ALG12: variants seen among roughly 807,000 people sequenced by gnomAD.
ALG12 encodes ALG12 alpha-1,6-mannosyltransferase.
Under a neutral mutation model 46.0 loss-of-function variants are expected in ALG12, and 36 were observed. The observed-to-expected ratio is 0.78, with a 90% confidence interval of 0.60 to 1.03. ALG12 has a LOEUF of 1.03. ALG12 is among the 50% of genes least tolerant of loss of function. The pLI is 0.00. For synonymous variants in ALG12, 326 were observed against 291.6 expected, an observed-to-expected ratio of 1.12 and a Z score of -1.20; for missense variants, 599 against 633.5, an observed-to-expected ratio of 0.95 and a Z score of 0.58.
At chr22:49,881,288 G>A in the ALG12 span, among the ~76,000 whole-genome samples, 2 of 152,284 alleles carry the variant, frequency 1.3e-5, no homozygotes, top group Admixed American at 1.3e-4. Context: ...AGCGGAGGTT[G>A]CGGTGAACTG....
In ALG12 at chr22:49,902,417, CTGTG is replaced by C. The variant is rs747329118; in HGVS notation, c.*1417_*1420del. 1.7e-5 allele frequency: 2 copies of C among 117,764 alleles called. No individual in the cohort carries two copies. Among genetic ancestry groups the C allele is most frequent in the Non-Finnish European group, 3.4e-5 (2 of 59,208 alleles). The allele number at this position is 117,764 out of a possible 1,614,324, so 7.3% of individuals were successfully genotyped here. On this transcript the variant is annotated 3_prime_UTR_variant, in exon 10 of 10. Transcript: ENST00000330817. ...TATGCATGGTGTGTGCACATGTGCA[CTGTG>C]TATGCATGGTGTGTGCACGTGTGCA...
chr22:49,885,537 G>A, the ALG12 span: 37 of 1,607,190 alleles, frequency 2.3e-5, no homozygotes, highest in Middle Eastern at 1.6e-4. Flanking sequence ...CCTCCTCTCC[G>A]GACACCCGGG....
At chr22:49,884,843 C>G in the ALG12 span, 1 of 1,610,554 alleles carries the variant, frequency 6.2e-7, no homozygotes, top group Admixed American at 1.7e-5. Context: ...GACAGGCTGA[C>G]TGAGGACTTG....
chr22:49,861,734 G>A, the ALG12 span, among the ~76,000 whole-genome samples: 2 of 152,216 alleles, frequency 1.3e-5, no homozygotes, highest in Non-Finnish European at 2.9e-5. Flanking sequence ...GCCGTGGCTG[G>A]CCCCTGCGTG....
At chr22:49,865,365 G>A in the ALG12 span, among the ~76,000 whole-genome samples, 4 of 152,148 alleles carry the variant, frequency 2.6e-5, no homozygotes, top group East Asian at 1.9e-4. Context: ...ATGCTTACAC[G>A]GGGGCCGGGC....
At chr22:49,886,540 A>T in the ALG12 span, 1 of 1,568,146 alleles carries the variant, frequency 6.4e-7, no homozygotes. This position sits in a 1 kb window ranked among gnomAD's most constrained non-coding sequence, Gnocchi z 7.7. Flanking sequence ...GGTCATCCCC[A>T]TGGTACACAT....
At chr22:49,860,221 C>T in the ALG12 span, among the ~76,000 whole-genome samples, 4 of 152,220 alleles carry the variant, frequency 2.6e-5, no homozygotes, top group African/African-American at 9.6e-5. Context: ...ATCACTTGAG[C>T]CTGGGAGGTT....
At chr22:49,913,279 G>C in intron 3 of ALG12, 106 bp downstream of exon 3, 1 of 1,552,452 alleles carries the variant, frequency 6.4e-7, no homozygotes, top group Non-Finnish European at 8.8e-7. Flanking sequence ...GGGCAGGCAA[G>C]ACTAACAGAC....
At chr22:49,873,603 C>T in the ALG12 span, among the ~76,000 whole-genome samples, 1 of 151,904 alleles carries the variant, frequency 6.6e-6, no homozygotes, top group South Asian at 2.1e-4. Context: ...CACCGATGGA[C>T]GTGCTTGATG....
downstream of ALG12, among the ~76,000 whole-genome samples, chr22:49,895,629 A>G (rs1486109197): frequency 2.0e-5 from 3 of 151,290 alleles, no homozygotes; most frequent in Non-Finnish European, 4.4e-5. Context: ...TCCAGCCTGG[A>G]CAACAGAGCG....
the ALG12 span, among the ~76,000 whole-genome samples, chr22:49,869,622 G>T: frequency 1.3e-5 from 2 of 152,072 alleles, no homozygotes; most frequent in Non-Finnish European, 2.9e-5. Context: ...CTCTTAAAAA[G>T]TCAGCAGTGT....
intron 7 of ALG12, among the ~76,000 whole-genome samples, chr22:49,904,748 A>T (rs1437516762): frequency 6.6e-6 from 1 of 152,076 alleles, no homozygotes; most frequent in Admixed American, 6.6e-5. Context: ...TAAAATATAT[A>T]TATATTTTTG....
the ALG12 span, among the ~76,000 whole-genome samples, chr22:49,867,799 T>C: frequency 1.3e-5 from 2 of 152,350 alleles, no homozygotes; most frequent in South Asian, 2.1e-4. Context: ...ATTAAAAATA[T>C]CTTCAGTGGA....
At chr22:49,891,008 C>A in the ALG12 span, among the ~76,000 whole-genome samples, 1 of 149,392 alleles carries the variant, frequency 6.7e-6, no homozygotes, top group African/African-American at 2.5e-5. Context: ...CCAGCCTGGG[C>A]GACAGAGCGA....
chr22:49,870,835 C>T, the ALG12 span, among the ~76,000 whole-genome samples: 1 of 151,936 alleles, frequency 6.6e-6, no homozygotes, highest in Admixed American at 6.6e-5. Context: ...TAGTTAGGTC[C>T]CAGTTGTCAA....
rs752863812 is a variant in ALG12 at position 49,903,594 on chromosome 22, A to C, written c.*244T>G. 88 of 676,038 alleles carry C rather than the reference A, an allele frequency of 1.3e-4. No individual in the cohort carries two copies. The highest frequency in any genetic ancestry group is 1.1e-3 in the South Asian group (72 of 66,516). The allele number at this position is 676,038 out of a possible 1,614,324, so 41.9% of individuals were successfully genotyped here. On this transcript the variant is annotated 3_prime_UTR_variant, in exon 10 of 10. Coordinates refer to ENST00000330817, the MANE Select transcript of ALG12 (RefSeq NM_024105.4). ...CGCAGGAAGCCCTGAGCTGGCCACC[A>C]TCACCCTGGGCAGTGGCTCCCGGGG... is the stretch of plus-strand genomic sequence containing the variant.
At position 49,918,260 on chromosome 22, in the gene ALG12, G is replaced by A. The variant is rs886057616; in HGVS notation, c.-79+3C>T. 2 of 152,388 alleles carry A rather than the reference G, an allele frequency of 1.3e-5. No individual in the cohort carries two copies. The highest frequency in any genetic ancestry group is 2.4e-5 in the African/African-American group (1 of 41,466). The allele number at this position is 152,388 out of a possible 1,614,324, so 9.4% of individuals were successfully genotyped here. ...GGCCCCGGTCGCGGCAGCGCGCACT[G>A]ACCTCCGCAGCTCCCGGCGGCGTCC... On this transcript the variant is annotated splice_donor_region_variant and intron_variant, in intron 1 of 9. Coordinates refer to ENST00000330817, the MANE Select transcript of ALG12 (RefSeq NM_024105.4).
the ALG12 span, chr22:49,886,251 G>A: frequency 7.9e-6 from 9 of 1,143,954 alleles, no homozygotes; most frequent in African/African-American, 1.5e-5. This position sits in a 1 kb window ranked among gnomAD's most constrained non-coding sequence, Gnocchi z 7.7. Context: ...TGCACCGGTC[G>A]CCCAAGGCGA....
At chr22:49,865,267 G>A in the ALG12 span, among the ~76,000 whole-genome samples, 1 of 152,060 alleles carries the variant, frequency 6.6e-6, no homozygotes, top group Non-Finnish European at 1.5e-5. Context: ...GTAAACAGAT[G>A]GTGTCGTTAT....
Sources: gnomAD v4.1 joint callset for allele counts (sites outside exome capture counted in the v4.1 genomes callset) on GRCh38, gnomAD v4.1.1 for gene constraint, Gnocchi (gnomAD v3.1) non-coding constraint, MANE v1.5 for transcripts, NCBI Gene and HGNC (gene_info 2026-07-23, HGNC 2026-07-21) for gene names.